The following RERE variants were observed in gnomAD, a reference collection of about 807,000 sequenced individuals.
The protein encoded by RERE is arginine-glutamic acid dipeptide repeats.
RERE carries 40 observed loss-of-function variants against 146.1 expected under a neutral mutation model. The observed-to-expected ratio is 0.27, with a 90% CI of 0.21 to 0.36. The LOEUF (loss-of-function observed/expected upper bound fraction) is 0.36. Among genes scored for constraint, RERE ranks in the 10% least tolerant of loss-of-function variants. The pLI is 1.00. For missense variants in RERE, 1,933 were observed against 2,138.7 expected, an observed-to-expected ratio of 0.90 and a Z score of 1.90; for synonymous variants, 1,003 against 866.0, an observed-to-expected ratio of 1.16 and a Z score of -2.78.
chr1:8,762,112 G>C (rs2124532320), intron 1 of RERE, among the ~76,000 whole-genome samples: 1 of 152,170 alleles, frequency 6.6e-6, no homozygotes. Flanking sequence ...CAGACCAAAT[G>C]CCTCCTTCTC....
At chr1:8,594,131 A>C (rs1031087371) in intron 4 of RERE, among the ~76,000 whole-genome samples, 2 of 152,238 alleles carry the variant, frequency 1.3e-5, no homozygotes, top group African/African-American at 4.8e-5. Flanking sequence ...TCACATGAGA[A>C]TAACCCTATG....
At chr1:8,362,067 C>T (rs1337889997) in intron 16 of RERE, among the ~76,000 whole-genome samples, 191 bp from the exon 17 acceptor site, 1 of 152,218 alleles carries the variant, frequency 6.6e-6, no homozygotes, top group African/African-American at 2.4e-5. Context: ...GAGAGCCAGC[C>T]CTCTGCACCT....
chr1:8,402,300 C>T (rs553616553), intron 12 of RERE, among the ~76,000 whole-genome samples: 1 of 152,298 alleles, frequency 6.6e-6, no homozygotes, highest in Admixed American at 6.5e-5. Context: ...CGAGCTCAGC[C>T]TCAGAGTCAC....
At chr1:8,585,954 C>T (rs1646422755) in intron 4 of RERE, among the ~76,000 whole-genome samples, 1 of 152,090 alleles carries the variant, frequency 6.6e-6, no homozygotes, top group African/African-American at 2.4e-5. Context: ...AGACATTATA[C>T]ACTTCCTGAT....
chr1:8,772,005 T>C (rs972991795), intron 1 of RERE, among the ~76,000 whole-genome samples: 2 of 151,636 alleles, frequency 1.3e-5, no homozygotes, highest in Non-Finnish European at 2.9e-5. Context: ...TAGGAAAACA[T>C]ATAAAATTTT....
chr1:8,789,301 A>AATATATATATATATATATATATATATAT (rs1553149622), intron 1 of RERE, among the ~76,000 whole-genome samples: 1 of 24,814 alleles, frequency 4.0e-5, no homozygotes, highest in Non-Finnish European at 6.5e-5. Flanking sequence ...AAAAAAAAAA[A>AATATATATATATATATATATATATATAT]ATATATATAT....
At chr1:8,749,429 A>G (rs954306966) in intron 1 of RERE, among the ~76,000 whole-genome samples, 6 of 145,662 alleles carry the variant, frequency 4.1e-5, no homozygotes, top group Admixed American at 6.8e-5. Context: ...TTTGCTCTGG[A>G]AAAAAAAAAA....
intron 1 of RERE, chr1:8,751,191 C>T (rs1042154809): frequency 4.1e-5 from 10 of 242,482 alleles, no homozygotes; most frequent in Non-Finnish European, 8.0e-5. Flanking sequence ...GACAATCTCT[C>T]AATAACTCTG....
chr1:8,499,676 C>T (rs1028459643), intron 8 of RERE, among the ~76,000 whole-genome samples: 1 of 152,262 alleles, frequency 6.6e-6, no homozygotes, highest in Admixed American at 6.5e-5. Context: ...CACAGCTTTA[C>T]AGGCTGTCTT....
At chr1:8,607,940 G>A (rs1646741790) in intron 4 of RERE, among the ~76,000 whole-genome samples, 1 of 152,086 alleles carries the variant, frequency 6.6e-6, no homozygotes, top group Non-Finnish European at 1.5e-5. Context: ...TGGCCAGGTT[G>A]GCCTCGAACT....
chr1:8,626,928 T>C lies in RERE; in HGVS notation c.326-2548A>G, dbSNP rs1302793231. ...AACTAATAGGTCCCTTTCTAATTAA[T>C]TGCTTCTACCTTCTTAAGGCTCAAG... is the stretch of plus-strand genomic sequence containing the variant. On this transcript the variant is annotated intron_variant, in intron 2 of 22. Transcript: ENST00000400908. 4.6e-5 allele frequency among the ~76,000 whole-genome samples: 7 copies of C among 152,208 alleles called. No individual in the cohort carries two copies. The South Asian group carries it at 1.0e-3, about 22-fold the overall frequency.
At chr1:8,774,959 T>TC (rs1557535364) in intron 1 of RERE, among the ~76,000 whole-genome samples, 1 of 129,042 alleles carries the variant, frequency 7.7e-6, no homozygotes, top group Non-Finnish European at 1.6e-5. Flanking sequence ...TTCTTTTTTT[T>TC]TTTTTTTTTT....
At chr1:8,712,186 C>T (rs1440909959) in intron 1 of RERE, among the ~76,000 whole-genome samples, 1 of 152,192 alleles carries the variant, frequency 6.6e-6, no homozygotes, top group Non-Finnish European at 1.5e-5. Flanking sequence ...GTTTGATCTG[C>T]ACAACACAGG....
intron 1 of RERE, among the ~76,000 whole-genome samples, chr1:8,781,602 T>C (rs1395043116): frequency 6.6e-6 from 1 of 151,566 alleles, no homozygotes; most frequent in Non-Finnish European, 1.5e-5. Flanking sequence ...GGAAAGTTAT[T>C]GAATCTCTCC....
chr1:8,604,602 G>A (rs11808577), intron 4 of RERE, among the ~76,000 whole-genome samples: 2,070 of 78,008 alleles, frequency 0.027, 86 homozygotes, highest in African/African-American at 0.11. Flanking sequence ...GGAAGGAAGG[G>A]AGGGAGGGAG....
rs1641284408 is a variant in RERE, at chr1:8,356,163, G to C, written c.4423C>G (p.Leu1475Val). The C allele has an allele frequency of 2.6e-6, 4 of 1,521,144 alleles. No individual in the cohort carries two copies. Among genetic ancestry groups the C allele is most frequent in the Admixed American group, 2.5e-5 (1 of 39,242 alleles). 94.2% of individuals were successfully genotyped at this position (1,521,144 alleles called of 1,614,324 possible). Residue 1475 changes from leucine to valine, a missense_variant, in exon 21 of 23, where the codon CTC becomes GTC. Leu to Val is a conservative substitution (Grantham distance 32). Coordinates refer to ENST00000400908, the MANE Select transcript of RERE (RefSeq NM_001042681.2). This position sits in a 1 kb window ranked among gnomAD's most constrained non-coding sequence, Gnocchi z 5.2. ...LARFPYPPGT[L>V]PNPLLGQPPH... ...GGCTGTCCAAGCAGAGGGTTGGGGA[G>C]AGTGCCAGGCGGGTAGGGGAAGCGA...
At chr1:8,586,869 T>C (rs909544739) in intron 4 of RERE, among the ~76,000 whole-genome samples, 1 of 152,126 alleles carries the variant, frequency 6.6e-6, no homozygotes, top group African/African-American at 2.4e-5. Flanking sequence ...AAAGGAAGAA[T>C]AGCTGCTTAA....
intron 1 of RERE, among the ~76,000 whole-genome samples, chr1:8,707,748 G>GT (rs1383702733): frequency 2.0e-5 from 3 of 152,200 alleles, no homozygotes; most frequent in Middle Eastern, 3.2e-3. Flanking sequence ...ATCCAGGATT[G>GT]TATTAGTACC....
intron 11 of RERE, among the ~76,000 whole-genome samples, chr1:8,432,663 T>G (rs1644111358): frequency 6.6e-6 from 1 of 152,204 alleles, no homozygotes; most frequent in Non-Finnish European, 1.5e-5. Flanking sequence ...TTTCATGTCT[T>G]GTGTAATCTT....
Sources: gnomAD v4.1 joint callset for allele counts (sites outside exome capture counted in the v4.1 genomes callset) on GRCh38, gnomAD v4.1.1 for gene constraint, Gnocchi (gnomAD v3.1) non-coding constraint, MANE v1.5 for transcripts, NCBI Gene and HGNC (gene_info 2026-07-23, HGNC 2026-07-21) for gene names.